The following EPB41L4A variants were observed in gnomAD, a reference collection of about 807,000 sequenced individuals.
EPB41L4A encodes band 4.1-like protein 4A.
EPB41L4A carries 100 observed loss-of-function variants against 108.6 expected under a neutral mutation model. That is an observed-to-expected ratio of 0.92 (90% CI 0.78 to 1.09). The LOEUF is 1.09. Among genes scored for constraint, EPB41L4A ranks in the 50% least tolerant of loss-of-function variants. The probability of loss-of-function intolerance (pLI) is 0.00; values close to 1 mark genes in which losing one functional copy is unlikely to be tolerated. For missense variants in EPB41L4A, 1,030 were observed against 842.7 expected (o/e 1.22, Z -2.75); for synonymous variants, 319 against 289.0 (o/e 1.10, Z -1.05).
chr5:112,240,051 T>C (rs1410648586), intron 10 of EPB41L4A, among the ~76,000 whole-genome samples: 2 of 152,256 alleles, frequency 1.3e-5, no homozygotes, highest in Non-Finnish European at 2.9e-5. Context: ...TAGTTTCATC[T>C]GACCGGACCT....
intron 1 of EPB41L4A, among the ~76,000 whole-genome samples, chr5:112,312,436 TC>T (rs1229427716): frequency 6.6e-6 from 1 of 152,124 alleles, no homozygotes; most frequent in Non-Finnish European, 1.5e-5. Context: ...ATGCAACAAA[TC>T]CAGTGCTGAC....
At chr5:112,159,443 A>G (rs577158574), downstream of EPB41L4A, among the ~76,000 whole-genome samples, 1 of 152,332 alleles carries the variant, frequency 6.6e-6, no homozygotes, top group Admixed American at 6.5e-5. Context: ...GGTTATCAGG[A>G]AAAAAGCCAA....
intron 1 of EPB41L4A, among the ~76,000 whole-genome samples, chr5:112,376,442 A>T (rs565499463): frequency 1.7e-4 from 26 of 152,236 alleles, no homozygotes; most frequent in Admixed American, 2.6e-4. Context: ...GGACCGTAAA[A>T]TGGTATCGCC....
rs1221473708 is a variant in EPB41L4A at position 112,262,560 on chromosome 5, A to G, written c.576T>C (p.Ala192=). 6.2e-7 allele frequency: 1 copy of G among 1,614,156 alleles called. No homozygotes were observed. The highest frequency in any genetic ancestry group is 8.5e-7 in the Non-Finnish European group (1 of 1,179,994). Reference sequence around the variant, plus strand: ...TGGCAGTCCTCAAGTAATTCAGCTCAGCCTCAGAAGGAATCTGACCCCTAC... The same window carrying G: ...TGGCAGTCCTCAAGTAATTCAGCTCGGCCTCAGAAGGAATCTGACCCCTAC... The part of the protein sequence containing the change: ...KTLMGQIPSE[A]ELNYLRTAKS... The change falls in exon 7 of 23, where the codon GCT becomes GCC. Residue 192 remains alanine, a synonymous_variant. Transcript: ENST00000261486.
chr5:112,352,684 T>C lies in EPB41L4A; in HGVS notation c.100-45194A>G, dbSNP rs188139536. On this transcript the variant is annotated intron_variant, in intron 1 of 22. Coordinates refer to ENST00000261486, the MANE Select transcript of EPB41L4A (RefSeq NM_022140.5). ...CATTCCTTTCTTCCTTTCTTATTAT[T>C]ATCACAGTTTGGTGGTTTTCTGTAG... Among the ~76,000 whole-genome samples the C allele has an allele frequency of 3.3e-5, 5 of 152,348 alleles. No individual in the cohort carries two copies. The East Asian group carries it at 9.6e-4, about 29-fold the overall frequency.
chr5:112,243,174 A>C (rs1749925583), intron 9 of EPB41L4A, among the ~76,000 whole-genome samples: 1 of 146,850 alleles, frequency 6.8e-6, no homozygotes, highest in South Asian at 2.1e-4. Context: ...AGATCGTGCC[A>C]CTGCATTCCA....
At chr5:112,194,021 AG>A (rs1761837919) in intron 17 of EPB41L4A, among the ~76,000 whole-genome samples, 1 of 152,224 alleles carries the variant, frequency 6.6e-6, no homozygotes. Flanking sequence ...TAATGCATTA[AG>A]CCACCACTAA....
At chr5:112,395,524 T>C (rs1397687661) in intron 1 of EPB41L4A, among the ~76,000 whole-genome samples, 2 of 152,118 alleles carry the variant, frequency 1.3e-5, no homozygotes, top group African/African-American at 4.8e-5. Flanking sequence ...ATCGGAGAAA[T>C]GCAAATCAAA....
rs146535341 is a variant in EPB41L4A at position 112,362,562 on chromosome 5, C to T, written c.100-55072G>A. Among the ~76,000 whole-genome samples, 429 of 152,178 alleles carry T rather than the reference C, an allele frequency of 2.8e-3. 3 individuals are homozygous for T. The highest frequency in any genetic ancestry group is 9.4e-3 in the African/African-American group (389 of 41,534). On this transcript the variant is annotated intron_variant, in intron 1 of 22. Transcript: ENST00000261486. Reference sequence around the variant, plus strand: ...TCCCAAAGTGCTGGGATTACAGGCACGAGCCACCGCACCCAGACTTAGAAC... The same window carrying T: ...TCCCAAAGTGCTGGGATTACAGGCATGAGCCACCGCACCCAGACTTAGAAC...
chr5:112,180,380 G>C (rs1041263196), intron 18 of EPB41L4A, among the ~76,000 whole-genome samples: 3 of 152,086 alleles, frequency 2.0e-5, no homozygotes, highest in African/African-American at 7.2e-5. Context: ...CTTAGGGATA[G>C]ACAAATAGAT....
At chr5:112,391,368 G>A (rs897531367) in intron 1 of EPB41L4A, among the ~76,000 whole-genome samples, 5 of 150,938 alleles carry the variant, frequency 3.3e-5, no homozygotes, top group Non-Finnish European at 7.4e-5. Context: ...AATAAATAGT[G>A]CAGAGAAGAC....
intron 2 of EPB41L4A, among the ~76,000 whole-genome samples, chr5:112,288,854 G>A (rs1384501332): frequency 1.3e-5 from 2 of 150,786 alleles, no homozygotes; most frequent in African/African-American, 4.9e-5. Flanking sequence ...TTATGATGGA[G>A]TCTCGCTCTG....
At chr5:112,194,949 A>C (rs1761887891) in intron 16 of EPB41L4A, among the ~76,000 whole-genome samples, 1 of 152,214 alleles carries the variant, frequency 6.6e-6, no homozygotes, top group Non-Finnish European at 1.5e-5. Flanking sequence ...GACATGGCAA[A>C]GCCGTAAGTC....
At chr5:112,286,534 T>C (rs1753293173) in intron 2 of EPB41L4A, among the ~76,000 whole-genome samples, 1 of 152,196 alleles carries the variant, frequency 6.6e-6, no homozygotes, top group African/African-American at 2.4e-5. Context: ...ATTACTTCAC[T>C]GAAAATGGAA....
chr5:112,151,020 T>C (rs1254197966), intron 12 of EPB41L4A, among the ~76,000 whole-genome samples: 1 of 152,220 alleles, frequency 6.6e-6, no homozygotes, highest in Non-Finnish European at 1.5e-5. Context: ...ATTCATTATG[T>C]CTGGGGAGGG....
chr5:112,340,775 G>A (rs1757265467), intron 1 of EPB41L4A, among the ~76,000 whole-genome samples: 1 of 152,142 alleles, frequency 6.6e-6, no homozygotes, highest in Non-Finnish European at 1.5e-5. Context: ...GACGTATATT[G>A]TTGCTCCTAT....
intron 12 of EPB41L4A, among the ~76,000 whole-genome samples, chr5:112,157,561 A>G (rs936499307): frequency 6.6e-6 from 1 of 152,168 alleles, no homozygotes; most frequent in African/African-American, 2.4e-5. Flanking sequence ...CAGGTACTAG[A>G]GGCTGCCCAT....
chr5:112,404,835 G>A (rs940663653), intron 1 of EPB41L4A, among the ~76,000 whole-genome samples: 8 of 152,060 alleles, frequency 5.3e-5, no homozygotes, highest in African/African-American at 1.7e-4. Context: ...CAGATCCCCC[G>A]TCTTCCTCCA....
At chr5:112,243,298 T>TATATACACACACACACATATATA (rs1749953594) in intron 9 of EPB41L4A, among the ~76,000 whole-genome samples, 2 of 150,990 alleles carry the variant, frequency 1.3e-5, no homozygotes, top group African/African-American at 4.9e-5. Context: ...TATATTTTGT[T>TATATACACACACACACATATATA]TGTTTGTTTG....
Sources: gnomAD v4.1 joint callset for allele counts (sites outside exome capture counted in the v4.1 genomes callset) on GRCh38, gnomAD v4.1.1 for gene constraint, MANE v1.5 for transcripts, NCBI Gene and HGNC (gene_info 2026-07-23, HGNC 2026-07-21) for gene names.